Variants in NRXN1 observed in about 807,000 individuals in gnomAD.
NRXN1 encodes the protein neurexin-1.
A neutral mutation model predicts 150.9 loss-of-function variants in NRXN1; 39 were observed. That is an observed-to-expected ratio of 0.26 (90% CI 0.20 to 0.34). The LOEUF (loss-of-function observed/expected upper bound fraction) is 0.34, where lower values mean the gene tolerates loss of function less well. Among genes scored for constraint, NRXN1 ranks in the 10% least tolerant of loss-of-function variants. The pLI, the probability that NRXN1 is intolerant of heterozygous loss-of-function variation, is 1.00. For synonymous variants in NRXN1, 924 were observed against 757.0 expected (o/e 1.22, Z -3.62); for missense variants, 1,815 against 1,949.9 (o/e 0.93, Z 1.30).
Position 50,941,641 on chromosome 2 carries a change from C to G in NRXN1, c.773-15686G>C, listed in dbSNP as rs531477879. Among the ~76,000 whole-genome samples, 6 of 152,274 alleles carry G rather than the reference C, an allele frequency of 3.9e-5. No individual in the cohort carries two copies. The South Asian group carries it at 1.2e-3, about 32-fold the overall frequency. ...ATTTAAAAGAGATGACTTAACATGTCTGGCAGAAGAAATTTCTAAGCAACA... is the reference window on the plus strand; with the variant it reads ...ATTTAAAAGAGATGACTTAACATGTGTGGCAGAAGAAATTTCTAAGCAACA... On this transcript the variant is annotated intron_variant, in intron 2 of 22. Coordinates refer to ENST00000401669, the MANE Select transcript of NRXN1 (RefSeq NM_001330078.2).
chr2:50,629,757 C>T (rs1297992906), intron 5 of NRXN1, among the ~76,000 whole-genome samples: 1 of 151,426 alleles, frequency 6.6e-6, no homozygotes, highest in Non-Finnish European at 1.5e-5. Context: ...TAAAATAAAG[C>T]CAATAGTAAT....
chr2:50,132,270 T>C (rs892033657), intron 18 of NRXN1, among the ~76,000 whole-genome samples: 1 of 150,910 alleles, frequency 6.6e-6, no homozygotes, highest in South Asian at 2.1e-4. Flanking sequence ...TGCTGTGTCA[T>C]ACGTTTCTTT....
At chr2:50,022,432 T>C (rs913694940) in intron 21 of NRXN1, among the ~76,000 whole-genome samples, 1 of 152,238 alleles carries the variant, frequency 6.6e-6, no homozygotes, top group African/African-American at 2.4e-5. Context: ...ATACATAGAA[T>C]GACAGATCTT....
chr2:50,867,178 G>C (rs1199291682), intron 5 of NRXN1, among the ~76,000 whole-genome samples: 1 of 151,772 alleles, frequency 6.6e-6, no homozygotes, highest in Non-Finnish European at 1.5e-5. Context: ...AACAGATACA[G>C]AATATATTCT....
At position 50,627,444 on chromosome 2, in the gene NRXN1, C is replaced by T. The variant is rs921796967; in HGVS notation, c.833-3829G>A. On this transcript the variant is annotated intron_variant, in intron 5 of 22. Transcript: ENST00000401669. ...AAACAATTTATATTGTCTGGCATTG[C>T]AGGTAAGTTAGCAAAAGATACAGAG... 2.0e-5 allele frequency among the ~76,000 whole-genome samples: 3 copies of T among 147,384 alleles called. No individual in the cohort carries two copies. In the Admixed American group the frequency reaches 2.0e-4, roughly 10 times the overall value.
rs538448339 is a variant in NRXN1 at position 50,249,401 on chromosome 2, C to CA, written c.3365-12432dup. ...ATTTTGACACAAACAAACAAATCAACAAAAAACAATGCGGAGACAACAGCA... is the reference window on the plus strand; with the variant it reads ...ATTTTGACACAAACAAACAAATCAACAAAAAAACAATGCGGAGACAACAGCA... On this transcript the variant is annotated intron_variant, in intron 17 of 22. Transcript: ENST00000401669. Among the ~76,000 whole-genome samples, 11 of 151,878 alleles carry CA rather than the reference C, an allele frequency of 7.2e-5. No homozygotes were observed. In the South Asian group the frequency reaches 2.3e-3, roughly 32 times the overall value.
chr2:51,007,548 G>A (rs1436216279), intron 2 of NRXN1, among the ~76,000 whole-genome samples: 2 of 151,898 alleles, frequency 1.3e-5, no homozygotes, highest in Non-Finnish European at 2.9e-5. Context: ...TACCTTTTGT[G>A]TGTGTGTGTT....
chr2:50,133,645 G>C (rs1705912933), intron 18 of NRXN1, among the ~76,000 whole-genome samples: 1 of 152,158 alleles, frequency 6.6e-6, no homozygotes, highest in Non-Finnish European at 1.5e-5. Context: ...ACAGACAAGG[G>C]AGAAGAAAAA....
intron 22 of NRXN1, among the ~76,000 whole-genome samples, chr2:49,931,261 T>C (rs7587012): frequency 0.026 from 4,032 of 152,292 alleles, 110 homozygotes; most frequent in East Asian, 0.066. Flanking sequence ...GTAAAAACGA[T>C]AAATGTAATA....
At chr2:50,570,616 T>C (rs938665136) in intron 8 of NRXN1, among the ~76,000 whole-genome samples, 1 of 152,146 alleles carries the variant, frequency 6.6e-6, no homozygotes. Context: ...CCAGGAGCTA[T>C]GTTGACATGT....
chr2:50,196,626 T>A (rs2061784796), intron 18 of NRXN1, among the ~76,000 whole-genome samples: 1 of 152,186 alleles, frequency 6.6e-6, no homozygotes, highest in African/African-American at 2.4e-5. Flanking sequence ...TTTATCAACA[T>A]GTCCCATAGA....
intron 2 of NRXN1, chr2:51,026,223 T>C: frequency 1.6e-6 from 1 of 638,542 alleles, no homozygotes; most frequent in Non-Finnish European, 2.8e-6. Flanking sequence ...AAATCAGATT[T>C]AATAATTCAC....
At chr2:50,992,119 T>A (rs958522470) in intron 2 of NRXN1, among the ~76,000 whole-genome samples, 3 of 151,976 alleles carry the variant, frequency 2.0e-5, no homozygotes, top group Admixed American at 2.0e-4. Flanking sequence ...GAGAGAAGAA[T>A]AAACCTGGCT....
chr2:49,923,243 C>G (rs920039281), intron 22 of NRXN1, among the ~76,000 whole-genome samples: 34 of 152,194 alleles, frequency 2.2e-4, no homozygotes, highest in African/African-American at 7.9e-4. Context: ...ATATAATAAA[C>G]TTTTTTGATA....
At chr2:50,289,454 T>C (rs943664849) in intron 17 of NRXN1, among the ~76,000 whole-genome samples, 1 of 152,104 alleles carries the variant, frequency 6.6e-6, no homozygotes, top group Non-Finnish European at 1.5e-5. Context: ...AATATCCACT[T>C]ATTCACTGCC....
chr2:50,591,698 G>A (rs1296501522), intron 8 of NRXN1, among the ~76,000 whole-genome samples: 1 of 152,168 alleles, frequency 6.6e-6, no homozygotes, highest in African/African-American at 2.4e-5. Flanking sequence ...CGAGGCCTCT[G>A]TGCTGTGCTG....
chr2:50,325,592 C>G (rs1020188570), intron 17 of NRXN1, among the ~76,000 whole-genome samples: 1 of 152,190 alleles, frequency 6.6e-6, no homozygotes, highest in African/African-American at 2.4e-5. Flanking sequence ...CCAGATTTTC[C>G]TAACTCCAAG....
intron 18 of NRXN1, among the ~76,000 whole-genome samples, chr2:50,198,367 A>C (rs534175563): frequency 6.6e-6 from 1 of 152,236 alleles, no homozygotes; most frequent in South Asian, 2.1e-4. Flanking sequence ...GCTAGCCATG[A>C]TCCCATGTAG....
At chr2:50,632,343 C>A (rs548149724) in intron 5 of NRXN1, 1 of 151,802 alleles carries the variant, frequency 6.6e-6, no homozygotes, top group African/African-American at 2.4e-5. Context: ...TTTTAATATA[C>A]ACAGATGATA....
Sources: allele counts gnomAD v4.1 joint callset (sites outside exome capture counted in the v4.1 genomes callset), GRCh38; gene constraint gnomAD v4.1.1; transcripts MANE v1.5; gene names NCBI Gene and HGNC (gene_info 2026-07-23, HGNC 2026-07-21).